Variants in TMEM108 observed in about 807,000 individuals in gnomAD.
TMEM108 encodes the protein transmembrane protein 108.
TMEM108 carries 12 observed loss-of-function variants against 35.1 expected under a neutral mutation model. The observed-to-expected ratio is 0.34, with a 90% confidence interval of 0.22 to 0.55. The LOEUF is 0.55. Ranked by LOEUF, TMEM108 falls within the 20% of genes least tolerant of loss-of-function variation. TMEM108 has a pLI of 0.89. For synonymous variants in TMEM108, 287 were observed against 308.6 expected (o/e 0.93, Z 0.73); for missense variants, 680 against 753.3 (o/e 0.90, Z 1.14).
chr3:133,349,900 GCT>G (rs2071939702), intron 3 of TMEM108, among the ~76,000 whole-genome samples: 1 of 152,026 alleles, frequency 6.6e-6, no homozygotes, highest in Non-Finnish European at 1.5e-5. Context: ...TAAAAATAGA[GCT>G]ACCACATGAT....
chr3:133,158,234 C>G (rs925223762), intron 2 of TMEM108, among the ~76,000 whole-genome samples: 7 of 151,894 alleles, frequency 4.6e-5, no homozygotes, highest in Non-Finnish European at 8.8e-5. Context: ...CTTTGGGAGG[C>G]CAAGGTGGGC....
chr3:133,088,828 AG>A (rs1943913773), intron 2 of TMEM108, among the ~76,000 whole-genome samples: 1 of 152,180 alleles, frequency 6.6e-6, no homozygotes, highest in African/African-American at 2.4e-5. Context: ...AAATGCTGTG[AG>A]CAATTGTCTG....
chr3:133,083,881 A>C (rs1419822041), intron 2 of TMEM108, among the ~76,000 whole-genome samples: 1 of 152,074 alleles, frequency 6.6e-6, no homozygotes, highest in Non-Finnish European at 1.5e-5. Flanking sequence ...TAAAGTAAAA[A>C]AAAAAGGCAT....
intron 3 of TMEM108, among the ~76,000 whole-genome samples, chr3:133,255,569 T>TG (rs770539356): frequency 3.3e-4 from 50 of 151,986 alleles, no homozygotes; most frequent in Non-Finnish European, 6.0e-4. Flanking sequence ...TAAGTACAGG[T>TG]GGGGGTTCAA....
chr3:133,350,492 A>G (rs542411979), intron 3 of TMEM108, among the ~76,000 whole-genome samples: 1 of 152,328 alleles, frequency 6.6e-6, no homozygotes, highest in Non-Finnish European at 1.5e-5. Flanking sequence ...TATGCTAAAT[A>G]CCCTGATTTG....
chr3:133,341,610 G>C (rs928501003), intron 3 of TMEM108, among the ~76,000 whole-genome samples: 2 of 151,764 alleles, frequency 1.3e-5, no homozygotes, highest in African/African-American at 4.8e-5. Context: ...AACAAAACTG[G>C]AAGAATCATA....
chr3:133,301,166 C>T (rs1354317406), intron 3 of TMEM108, among the ~76,000 whole-genome samples: 1 of 152,170 alleles, frequency 6.6e-6, no homozygotes, highest in Non-Finnish European at 1.5e-5. Context: ...GCCAAGTACA[C>T]ATCCTGCAAG....
chr3:133,136,247 G>A (rs1234559153), intron 2 of TMEM108, among the ~76,000 whole-genome samples: 1 of 152,124 alleles, frequency 6.6e-6, no homozygotes, highest in Non-Finnish European at 1.5e-5. Context: ...CTCTTGTTTT[G>A]TGTCTGTTTT....
intron 2 of TMEM108, among the ~76,000 whole-genome samples, chr3:133,206,322 C>T (rs1390257672): frequency 1.3e-5 from 2 of 152,218 alleles, no homozygotes; most frequent in Admixed American, 6.5e-5. Flanking sequence ...ACTCGTTCTC[C>T]ATCCAGTTTT....
chr3:133,179,487 T>A (rs372072252), intron 2 of TMEM108, among the ~76,000 whole-genome samples: 186 of 152,218 alleles, frequency 1.2e-3, no homozygotes, highest in Non-Finnish European at 1.5e-3. Context: ...TAAAAAATGA[T>A]GAGTTCATGT....
chr3:133,067,907 A>G (rs1371320032), intron 2 of TMEM108, among the ~76,000 whole-genome samples: 2 of 149,052 alleles, frequency 1.3e-5, no homozygotes, highest in South Asian at 2.1e-4. Flanking sequence ...AGCAGCATAG[A>G]AAAAAAAAAG....
At chr3:133,128,302 T>C (rs1414364690) in intron 2 of TMEM108, among the ~76,000 whole-genome samples, 2 of 152,246 alleles carry the variant, frequency 1.3e-5, no homozygotes, top group African/African-American at 4.8e-5. Flanking sequence ...GTCTGGAGAA[T>C]GATGACCTTA....
At chr3:133,304,422 G>C (rs761984240) in intron 3 of TMEM108, among the ~76,000 whole-genome samples, 5 of 151,234 alleles carry the variant, frequency 3.3e-5, no homozygotes, top group Non-Finnish European at 7.4e-5. Flanking sequence ...AAATGTATGG[G>C]GTTATGTAAC....
chr3:133,284,513 T>C (rs987592231), intron 3 of TMEM108, among the ~76,000 whole-genome samples: 1 of 152,204 alleles, frequency 6.6e-6, no homozygotes, highest in Non-Finnish European at 1.5e-5. Flanking sequence ...CCACCTTCAC[T>C]ACACAATGGC....
Position 133,379,813 on chromosome 3 carries a change from CA to C in TMEM108, c.103del (p.Arg35GlyfsTer17). 6.2e-7 allele frequency: 1 copy of C among 1,614,006 alleles called. No homozygotes were observed. The highest frequency in any genetic ancestry group is 8.5e-7 in the Non-Finnish European group (1 of 1,179,930). On this transcript the variant is annotated frameshift_variant, in exon 4 of 6. Coordinates refer to ENST00000321871, the MANE Select transcript of TMEM108 (RefSeq NM_023943.4). LOFTEE classifies it high-confidence loss of function. ...CATTTGCCATCCAGGAACCATCTCC[CA>C]GGGAATCTCTTCAGGTCCTCCCTTC... ...LAFAIQEPSP[R>X]ESLQVLPSGT...
chr3:133,073,180 T>C (rs1372624970), intron 2 of TMEM108, among the ~76,000 whole-genome samples: 1 of 152,154 alleles, frequency 6.6e-6, no homozygotes, highest in African/African-American at 2.4e-5. Flanking sequence ...AGTACATTGT[T>C]GTTGACTATA....
chr3:133,276,914 C>T, intron 3 of TMEM108, among the ~76,000 whole-genome samples: 1 of 152,120 alleles, frequency 6.6e-6, no homozygotes, highest in Non-Finnish European at 1.5e-5. Context: ...AAGCAGGTGG[C>T]AAATTTGACA....
chr3:133,169,455 G>A (rs1484088144), intron 2 of TMEM108, among the ~76,000 whole-genome samples: 2 of 152,132 alleles, frequency 1.3e-5, no homozygotes, highest in African/African-American at 4.8e-5. Context: ...TTTATTCCTA[G>A]TGTCTGGACT....
At chr3:133,300,990 A>G (rs1187382289) in intron 3 of TMEM108, among the ~76,000 whole-genome samples, 3 of 13,068 alleles carry the variant, frequency 2.3e-4, no homozygotes, top group African/African-American at 3.6e-4. Context: ...ACACACACAC[A>G]CACACACACA....
Sources: gnomAD v4.1 joint callset for allele counts (sites outside exome capture counted in the v4.1 genomes callset) on GRCh38, gnomAD v4.1.1 for gene constraint, MANE v1.5 for transcripts, NCBI Gene and HGNC (gene_info 2026-07-23, HGNC 2026-07-21) for gene names.